The following DOK5 variants were observed in gnomAD, a reference collection of about 807,000 sequenced individuals.
DOK5 encodes the protein downstream of tyrosine kinase 5.
In DOK5, 27 loss-of-function variants were observed where a neutral mutation model predicts 43.3. The observed-to-expected ratio is 0.62, with a 90% CI of 0.46 to 0.86. DOK5 has a LOEUF of 0.86. DOK5 is among the 40% of genes least tolerant of loss of function. The pLI is 0.00. For missense variants in DOK5, 373 were observed against 392.9 expected (o/e 0.95, Z 0.43); for synonymous variants, 146 against 140.1 (o/e 1.04, Z -0.30).
intron 2 of DOK5, among the ~76,000 whole-genome samples, chr20:54,581,968 T>A (rs1221698801): frequency 6.6e-6 from 1 of 151,976 alleles, no homozygotes; most frequent in Non-Finnish European, 1.5e-5. Context: ...TTTGACTTGC[T>A]CCTGATCTTA....
Position 54,555,032 on chromosome 20 carries a change from T to C in DOK5, c.166T>C (p.Tyr56His). The C allele has an allele frequency of 6.2e-7, 1 of 1,608,822 alleles. No homozygotes were observed. Residue 56 changes from tyrosine (Y) to histidine (H), a missense_variant, in exon 2 of 8, where the codon TAT (tyrosine) becomes CAT (histidine). By Grantham distance (83) the Tyr-to-His change is moderately conservative. Coordinates refer to ENST00000262593, the MANE Select transcript of DOK5 (RefSeq NM_018431.5). The stretch of plus-strand genomic sequence containing the variant: ...TGAACGTGCTGCATATTTCAGGTGT[T>C]ATCATAAGGTAAGACTCAATTGCTG... The part of the protein sequence containing the change: ...SDERAAYFRC[Y>H]HKVTELNNVK...
At chr20:54,477,220 G>A (rs896923556) in intron 1 of DOK5, among the ~76,000 whole-genome samples, 13 of 152,132 alleles carry the variant, frequency 8.5e-5, no homozygotes, top group African/African-American at 2.4e-5. Context: ...CTGTTTTAAT[G>A]TGCCAGATAC....
intron 2 of DOK5, among the ~76,000 whole-genome samples, chr20:54,585,994 G>A (rs1240739611): frequency 6.6e-6 from 1 of 152,120 alleles, no homozygotes. Context: ...TGTGGTGGTG[G>A]GCGCCTGTAA....
chr20:54,572,114 A>T (rs573639382), intron 2 of DOK5, among the ~76,000 whole-genome samples: 80 of 151,404 alleles, frequency 5.3e-4, no homozygotes, highest in African/African-American at 1.8e-3. Context: ...TTACTGTCTC[A>T]GTTATTCACC....
At chr20:54,511,280 C>T (rs1306360209) in intron 1 of DOK5, among the ~76,000 whole-genome samples, 1 of 152,116 alleles carries the variant, frequency 6.6e-6, no homozygotes, top group African/African-American at 2.4e-5. Flanking sequence ...AAGCAGGATA[C>T]CATAGTGCCT....
intron 6 of DOK5, among the ~76,000 whole-genome samples, chr20:54,615,342 T>C (rs73279041): frequency 0.044 from 6,741 of 152,212 alleles, 516 homozygotes; most frequent in African/African-American, 0.15. Context: ...AATGTTACCT[T>C]ACAAGGCAAA....
intron 6 of DOK5, among the ~76,000 whole-genome samples, chr20:54,614,207 G>C (rs1217655623): frequency 6.6e-6 from 1 of 152,024 alleles, no homozygotes; most frequent in African/African-American, 2.4e-5. Context: ...TTAAGGATTT[G>C]CTTTTCTTTC....
chr20:54,534,653 C>T (rs1326590377), intron 1 of DOK5, among the ~76,000 whole-genome samples: 1 of 152,152 alleles, frequency 6.6e-6, no homozygotes, highest in African/African-American at 2.4e-5. Flanking sequence ...AGTTGAATAC[C>T]TGTCAACTAA....
At chr20:54,619,666 G>GT (rs1395318502) in intron 6 of DOK5, among the ~76,000 whole-genome samples, 2 of 151,942 alleles carry the variant, frequency 1.3e-5, no homozygotes, top group Non-Finnish European at 2.9e-5. Context: ...ACTTTTTTTT[G>GT]TCACTTCTTT....
chr20:54,563,803 C>A (rs1477927514), intron 2 of DOK5, among the ~76,000 whole-genome samples: 1 of 151,256 alleles, frequency 6.6e-6, no homozygotes, highest in Non-Finnish European at 1.5e-5. Context: ...TGAACACTTT[C>A]AATATTTAAC....
At chr20:54,588,102 C>T (rs1985865940) in intron 2 of DOK5, among the ~76,000 whole-genome samples, 4 of 151,818 alleles carry the variant, frequency 2.6e-5, no homozygotes, top group Admixed American at 6.6e-5. Flanking sequence ...GCTTTTGCAG[C>T]CAGCTGAGAA....
At chr20:54,609,303 G>T (rs1986567705) in intron 5 of DOK5, among the ~76,000 whole-genome samples, 1 of 152,210 alleles carries the variant, frequency 6.6e-6, no homozygotes, top group African/African-American at 2.4e-5. Context: ...TTCTGAAATG[G>T]AAGGAGTGGC....
intron 1 of DOK5, among the ~76,000 whole-genome samples, chr20:54,551,560 G>C (rs545938555): frequency 1.2e-4 from 19 of 152,086 alleles, no homozygotes; most frequent in Non-Finnish European, 2.5e-4. Flanking sequence ...TCTATTTTAA[G>C]CTATTTTTAT....
At chr20:54,622,440 G>T (rs992485629) in intron 6 of DOK5, among the ~76,000 whole-genome samples, 1 of 152,120 alleles carries the variant, frequency 6.6e-6, no homozygotes, top group Non-Finnish European at 1.5e-5. Flanking sequence ...ACGTGCAGGG[G>T]TGTGTTTTAA....
chr20:54,483,865 T>C (rs1433003172), intron 1 of DOK5, among the ~76,000 whole-genome samples: 3 of 152,212 alleles, frequency 2.0e-5, no homozygotes, highest in Non-Finnish European at 4.4e-5. Flanking sequence ...TGCCTTTATT[T>C]CACTAGTGTT....
rs972363145 is a variant in DOK5, at chr20:54,560,580, C to T, written c.174+5540C>T. On this transcript the variant is annotated intron_variant, in intron 2 of 7. Coordinates refer to ENST00000262593, the MANE Select transcript of DOK5 (RefSeq NM_018431.5). ...CAGAGTGCCAAAGACTCCTGAAACA[C>T]GTTCAAAACTGACTGAACTCTTTCC... Among the ~76,000 whole-genome samples the T allele has an allele frequency of 7.2e-5, 11 of 152,154 alleles. 1 individual carries two copies. Among genetic ancestry groups the T allele is most frequent in the East Asian group, 1.9e-4 (1 of 5,194 alleles).
At chr20:54,492,188 C>T (rs1982207241) in intron 1 of DOK5, among the ~76,000 whole-genome samples, 1 of 152,000 alleles carries the variant, frequency 6.6e-6, no homozygotes, top group South Asian at 2.1e-4. Context: ...TTTTCTCCAA[C>T]CCCAGACTGG....
At chr20:54,504,153 G>T (rs1982720047) in intron 1 of DOK5, among the ~76,000 whole-genome samples, 1 of 152,030 alleles carries the variant, frequency 6.6e-6, no homozygotes, top group Non-Finnish European at 1.5e-5. Flanking sequence ...GGCTAACTTT[G>T]TCCACCTTCC....
At chr20:54,640,924 G>T (rs944157357) in intron 6 of DOK5, among the ~76,000 whole-genome samples, 2 of 152,104 alleles carry the variant, frequency 1.3e-5, no homozygotes, top group African/African-American at 2.4e-5. Context: ...AATCGTTCTG[G>T]ATTTTTTTAG....
Sources: allele counts gnomAD v4.1 joint callset (sites outside exome capture counted in the v4.1 genomes callset), GRCh38; gene constraint gnomAD v4.1.1; transcripts MANE v1.5; gene names NCBI Gene and HGNC (gene_info 2026-07-23, HGNC 2026-07-21).